Variants in BCAS3 observed in about 807,000 individuals in gnomAD.
BCAS3 encodes the protein BCAS3 microtubule associated cell migration factor, also known as BCAS4/BCAS3 fusion.
Under a neutral mutation model 116.1 loss-of-function variants are expected in BCAS3, and 53 were observed. The observed-to-expected ratio is 0.46, with a 90% CI of 0.37 to 0.57. BCAS3 has a LOEUF of 0.57. BCAS3 is among the 20% of genes least tolerant of loss of function. The pLI is 0.00. For missense variants in BCAS3, 917 were observed against 1,165.4 expected (o/e 0.79, Z 3.10); for synonymous variants, 391 against 408.2 (o/e 0.96, Z 0.51).
At chr17:61,201,368 G>A (rs780340722) in intron 22 of BCAS3, among the ~76,000 whole-genome samples, 14 of 152,316 alleles carry the variant, frequency 9.2e-5, no homozygotes, top group African/African-American at 2.2e-4. Context: ...CTGCATAAGC[G>A]GGCAAAGAAT....
Position 61,344,993 on chromosome 17 carries a change from G to A in BCAS3, c.2426-23334G>A, listed in dbSNP as rs373773357. On this transcript the variant is annotated intron_variant, in intron 22 of 23. Transcript: ENST00000407086. The surrounding 1 kb of genome is among the most constrained non-coding windows in gnomAD (Gnocchi z 4.1). ...ATAGCCACTCTGTCCCTTCTCATGC[G>A]GAGGAAGCACAGGGTAATCTGGATT... Among the ~76,000 whole-genome samples the A allele has an allele frequency of 2.0e-5, 3 of 152,042 alleles. No individual in the cohort carries two copies. The highest frequency in any genetic ancestry group is 3.9e-4 in the East Asian group (2 of 5,190).
At position 61,377,173 on chromosome 17, in the gene BCAS3, G is replaced by A. The variant is rs1183643329; in HGVS notation, c.2593+8679G>A. On this transcript the variant is annotated intron_variant, in intron 23 of 23. Transcript: ENST00000407086. This position sits in a 1 kb window ranked among gnomAD's most constrained non-coding sequence, Gnocchi z 4.6. ...TTTCTAGGATGCGGAGGCAAAGCTG[G>A]AACTCCCCAGTGCCTAATGCCCTGA... 6.6e-6 allele frequency among the ~76,000 whole-genome samples: 1 copy of A among 152,164 alleles called. No individual in the cohort carries two copies. The highest frequency in any genetic ancestry group is 1.5e-5 in the Non-Finnish European group (1 of 68,032).
chr17:61,388,447 C>T lies in BCAS3; in HGVS notation c.2594-3530C>T. The T allele has an allele frequency of 3.3e-6, 2 of 607,794 alleles. No homozygotes were observed. Among genetic ancestry groups the T allele is most frequent in the South Asian group, 2.0e-5 (1 of 49,474 alleles). 37.7% of individuals were successfully genotyped at this position (607,794 alleles called of 1,614,324 possible). A position where few individuals can be genotyped will look rare whatever the true frequency, so the allele number is the denominator to read the frequency against. On this transcript the variant is annotated intron_variant, in intron 23 of 23. Coordinates refer to ENST00000407086, the MANE Select transcript of BCAS3 (RefSeq NM_017679.5). This position sits in a 1 kb window ranked among gnomAD's most constrained non-coding sequence, Gnocchi z 6.5. The stretch of plus-strand genomic sequence containing the variant: ...GGGACCCCCAAGACAGATTGGTCCC[C>T]AGCCCCTACACATGCATGTCACTGT...
intron 22 of BCAS3, among the ~76,000 whole-genome samples, chr17:61,137,550 C>T (rs536401306): frequency 6.6e-6 from 1 of 152,332 alleles, no homozygotes; most frequent in East Asian, 1.9e-4. Flanking sequence ...GGGCGGATCA[C>T]CTGAGGTCAG....
chr17:60,827,929 A>G (rs2050580410), intron 7 of BCAS3, among the ~76,000 whole-genome samples: 1 of 152,236 alleles, frequency 6.6e-6, no homozygotes. Context: ...CTTCTGCTCT[A>G]CAACTTAACC....
rs542120256 is a variant in BCAS3 at position 61,343,360 on chromosome 17, A to G, written c.2426-24967A>G. Among the ~76,000 whole-genome samples the G allele has an allele frequency of 2.0e-5, 3 of 152,324 alleles. No individual in the cohort carries two copies. Among genetic ancestry groups the G allele is most frequent in the South Asian group, 2.1e-4 (1 of 4,830 alleles). On this transcript the variant is annotated intron_variant, in intron 22 of 23. Transcript: ENST00000407086. This position sits in a 1 kb window ranked among gnomAD's most constrained non-coding sequence, Gnocchi z 5.5. ...TACACAGGTCTCCGTCCTGTTCTCT[A>G]AGTACCAATGGTCAGGCAGACACAC...
At chr17:61,269,817 T>A (rs74837973) in intron 22 of BCAS3, among the ~76,000 whole-genome samples, 4 of 151,420 alleles carry the variant, frequency 2.6e-5, no homozygotes, top group East Asian at 1.9e-4. Flanking sequence ...TTTTTTTTTT[T>A]AATTAAGACA....
intron 4 of BCAS3, among the ~76,000 whole-genome samples, chr17:60,704,895 A>C (rs1039684145): frequency 5.3e-5 from 8 of 151,886 alleles, no homozygotes; most frequent in African/African-American, 1.9e-4. Flanking sequence ...CAGAAATGTC[A>C]TGAATTCAAC....
At chr17:60,679,685 A>T in intron 2 of BCAS3, 145 bp downstream of exon 2, 1 of 690,644 alleles carries the variant, frequency 1.4e-6, no homozygotes, top group Non-Finnish European at 2.5e-6. Flanking sequence ...AATTGCCAAG[A>T]CCAAATGAAG....
At chr17:61,382,656 C>CAAAAAAAA (rs558574098) in intron 23 of BCAS3, 1 of 137,016 alleles carries the variant, frequency 7.3e-6, no homozygotes, top group African/African-American at 2.7e-5. Flanking sequence ...ACCCTGCCTC[C>CAAAAAAAA]AAAAAAAAAA....
Position 61,309,520 on chromosome 17 carries a change from T to G in BCAS3, c.2426-58807T>G, listed in dbSNP as rs766968418. On this transcript the variant is annotated intron_variant, in intron 22 of 23. Coordinates refer to ENST00000407086, the MANE Select transcript of BCAS3 (RefSeq NM_017679.5). The surrounding 1 kb of genome is among the most constrained non-coding windows in gnomAD (Gnocchi z 4.6). ...AATGCGGCCCTGACCCTTCCCTGCC[T>G]CACTTGCCCTCTACTTCCCAGCTTC... Among the ~76,000 whole-genome samples the G allele has an allele frequency of 2.0e-5, 3 of 152,138 alleles. No individual in the cohort carries two copies. The highest frequency in any genetic ancestry group is 2.9e-5 in the Non-Finnish European group (2 of 68,030).
At chr17:60,758,653 G>T (rs1454004655) in intron 6 of BCAS3, among the ~76,000 whole-genome samples, 1 of 152,008 alleles carries the variant, frequency 6.6e-6, no homozygotes, top group Admixed American at 6.6e-5. Flanking sequence ...AAGTGCTGGG[G>T]TTACAGGCAT....
rs937268117 is a variant in BCAS3 at position 61,381,938 on chromosome 17, T to C, written c.2594-10039T>C. On this transcript the variant is annotated intron_variant, in intron 23 of 23. Coordinates refer to ENST00000407086, the MANE Select transcript of BCAS3 (RefSeq NM_017679.5). The surrounding 1 kb of genome is among the most constrained non-coding windows in gnomAD (Gnocchi z 6.0). ...CTGGTCATCCTCTCCCCAACCTTCA[T>C]TGGTCTCTGGGTAGCAGCCACAGCC... Among the ~76,000 whole-genome samples, 4 of 152,316 alleles carry C rather than the reference T, an allele frequency of 2.6e-5. No individual in the cohort carries two copies. Among genetic ancestry groups the C allele is most frequent in the Admixed American group, 6.5e-5 (1 of 15,310 alleles).
chr17:61,263,586 G>A (rs2049411410), intron 22 of BCAS3, among the ~76,000 whole-genome samples: 1 of 152,218 alleles, frequency 6.6e-6, no homozygotes, highest in Non-Finnish European at 1.5e-5. Context: ...CAGTGCAGGT[G>A]TTTTTCATAG....
intron 14 of BCAS3, among the ~76,000 whole-genome samples, chr17:60,951,572 T>C (rs143263975): frequency 0.012 from 1,773 of 152,276 alleles, 25 homozygotes; most frequent in Admixed American, 0.019. Flanking sequence ...AGTGGTATTA[T>C]ATCTTTTTCA....
At chr17:61,042,707 G>A (rs2067613036) in intron 19 of BCAS3, among the ~76,000 whole-genome samples, 1 of 151,554 alleles carries the variant, frequency 6.6e-6, no homozygotes, top group South Asian at 2.1e-4. Context: ...GGCCATCATG[G>A]TGAAACCCCA....
chr17:60,777,548 T>G (rs2045422918), intron 6 of BCAS3, among the ~76,000 whole-genome samples: 1 of 151,810 alleles, frequency 6.6e-6, no homozygotes, highest in South Asian at 2.1e-4. Flanking sequence ...ATCGCTTGAA[T>G]CCAGGAAGTG....
intron 23 of BCAS3, among the ~76,000 whole-genome samples, chr17:61,375,246 G>GTGTGTGCGCGCGCGTGCACACA (rs1555861730): frequency 6.0e-5 from 9 of 150,782 alleles, no homozygotes; most frequent in African/African-American, 2.0e-4. Flanking sequence ...GTGTGTGTGT[G>GTGTGTGCGCGCGCGTGCACACA]TGTGTGTGTA....
At chr17:60,971,405 C>T (rs2145349308) in intron 14 of BCAS3, among the ~76,000 whole-genome samples, 1 of 152,326 alleles carries the variant, frequency 6.6e-6, no homozygotes, top group South Asian at 2.1e-4. Flanking sequence ...CATACAAAAG[C>T]TTCCATAGGC....
Sources: allele counts gnomAD v4.1 joint callset (sites outside exome capture counted in the v4.1 genomes callset), GRCh38; gene constraint gnomAD v4.1.1; non-coding constraint Gnocchi (gnomAD v3.1); transcripts MANE v1.5; gene names NCBI Gene and HGNC (gene_info 2026-07-23, HGNC 2026-07-21).